TANC2: variants seen among roughly 807,000 people sequenced by gnomAD.
TANC2 encodes the protein protein TANC2.
In TANC2, 26 loss-of-function variants were observed where a neutral mutation model predicts 210.5. The ratio of observed to expected loss-of-function variants is 0.12; its 90% CI spans 0.09 to 0.17. TANC2 has a LOEUF of 0.17. Among genes scored for constraint, TANC2 ranks in the 10% least tolerant of loss-of-function variants. The pLI, the probability that TANC2 is intolerant of heterozygous loss-of-function variation, is 1.00. For synonymous variants in TANC2, 931 were observed against 967.1 expected (o/e 0.96, Z 0.69); for missense variants, 2,129 against 2,608.9 (o/e 0.82, Z 4.01).
At chr17:63,286,689 G>A (rs1322285375) in intron 9 of TANC2, among the ~76,000 whole-genome samples, 1 of 152,160 alleles carries the variant, frequency 6.6e-6, no homozygotes, top group African/African-American at 2.4e-5. Context: ...TTCTTTAAAT[G>A]TATCTTCTTT....
intron 1 of TANC2, among the ~76,000 whole-genome samples, chr17:62,974,675 A>G (rs1466621803): frequency 1.3e-5 from 2 of 152,116 alleles, no homozygotes; most frequent in Non-Finnish European, 2.9e-5. Context: ...TGTCTTACAT[A>G]TTTTTTCTAC....
At chr17:63,307,819 G>T (rs2146537426) in intron 9 of TANC2, among the ~76,000 whole-genome samples, 1 of 152,304 alleles carries the variant, frequency 6.6e-6, no homozygotes, top group East Asian at 1.9e-4. Context: ...AGGCAGGAGT[G>T]CAGTGGCGCG....
At chr17:63,194,034 G>A in exon 6 of TANC2, 1 of 1,613,244 alleles carries the variant, frequency 6.2e-7, no homozygotes, top group Non-Finnish European at 8.5e-7. Flanking sequence ...CTGTAGATGA[G>A]GCAGCAAACA....
chr17:63,103,447 A>G (rs566293622), intron 4 of TANC2, among the ~76,000 whole-genome samples: 2 of 152,324 alleles, frequency 1.3e-5, no homozygotes, highest in East Asian at 3.9e-4. Context: ...GTACAAAAAT[A>G]AGTTAATGTA....
intron 19 of TANC2, among the ~76,000 whole-genome samples, chr17:63,404,766 T>G (rs1380937524): frequency 6.6e-6 from 1 of 152,070 alleles, no homozygotes; most frequent in Non-Finnish European, 1.5e-5. Context: ...TGTCTTTAGA[T>G]TCCACCCACA....
At chr17:63,033,626 C>T (rs1243828803) in intron 2 of TANC2, among the ~76,000 whole-genome samples, 2 of 152,088 alleles carry the variant, frequency 1.3e-5, no homozygotes, top group African/African-American at 2.4e-5. Context: ...TATAACTAAA[C>T]TTACATTCAA....
chr17:63,166,322 AG>A (rs2040208887), intron 5 of TANC2, among the ~76,000 whole-genome samples: 1 of 152,148 alleles, frequency 6.6e-6, no homozygotes, highest in Non-Finnish European at 1.5e-5. Context: ...AGAGAGAGAG[AG>A]AGAGAGATAG....
chr17:63,181,601 A>T (rs2040786780), intron 5 of TANC2, among the ~76,000 whole-genome samples: 1 of 152,214 alleles, frequency 6.6e-6, no homozygotes, highest in African/African-American at 2.4e-5. Flanking sequence ...CCTACTTGTC[A>T]ATTCCAGGAA....
At chr17:63,354,165 G>A (rs1598925396) in intron 13 of TANC2, among the ~76,000 whole-genome samples, 1 of 152,076 alleles carries the variant, frequency 6.6e-6, no homozygotes, top group East Asian at 1.9e-4. Context: ...CATAGGAGTA[G>A]CCACAAAGCC....
At chr17:63,268,089 C>G (rs1389691594) in intron 9 of TANC2, among the ~76,000 whole-genome samples, 2 of 152,138 alleles carry the variant, frequency 1.3e-5, no homozygotes, top group Admixed American at 6.6e-5. Flanking sequence ...GTGTAATTAT[C>G]AACATTTGGA....
At chr17:63,216,423 A>G (rs968229640) in intron 7 of TANC2, among the ~76,000 whole-genome samples, 3 of 152,130 alleles carry the variant, frequency 2.0e-5, no homozygotes, top group Admixed American at 2.0e-4. Flanking sequence ...CTTTATAATA[A>G]AACAGTAATA....
intron 1 of TANC2, among the ~76,000 whole-genome samples, chr17:62,994,886 C>T (rs1289662770): frequency 6.6e-6 from 1 of 152,158 alleles, no homozygotes; most frequent in African/African-American, 2.4e-5. Flanking sequence ...ATATTCTTCT[C>T]TTTGACATTT....
At chr17:63,411,479 C>T (rs1031085855) in intron 21 of TANC2, 32 bp from the exon 22 acceptor site, 6 of 1,586,882 alleles carry the variant, frequency 3.8e-6, no homozygotes, top group South Asian at 2.4e-5. Context: ...TTCCATGTCT[C>T]CTCAGCCCTG....
At chr17:63,074,478 T>G (rs980345060) in intron 3 of TANC2, among the ~76,000 whole-genome samples, 6 of 152,148 alleles carry the variant, frequency 3.9e-5, no homozygotes, top group Admixed American at 1.3e-4. Context: ...CATAGGCCTT[T>G]GATTAATTTT....
At chr17:63,055,965 CAAAAAAAAA>C (rs869063496) in intron 2 of TANC2, among the ~76,000 whole-genome samples, 143 of 52,538 alleles carry the variant, frequency 2.7e-3, no homozygotes, top group African/African-American at 9.1e-3. Context: ...TCATCTCTAC[CAAAAAAAAA>C]AAAAAAAAAA....
chr17:63,290,380 AC>A (rs1460341485), intron 9 of TANC2, among the ~76,000 whole-genome samples: 3 of 152,102 alleles, frequency 2.0e-5, no homozygotes, highest in Non-Finnish European at 2.9e-5. Flanking sequence ...TGACTCCCTG[AC>A]TGTACTCAGT....
chr17:63,204,860 G>A (rs958393159), intron 7 of TANC2, among the ~76,000 whole-genome samples: 3 of 152,088 alleles, frequency 2.0e-5, no homozygotes, highest in African/African-American at 4.8e-5. Context: ...CAAGGCAGAC[G>A]GATCAGTTGA....
intron 2 of TANC2, among the ~76,000 whole-genome samples, chr17:63,056,174 TA>T (rs79110107): frequency 0.18 from 21,253 of 118,804 alleles, 2,202 homozygotes; most frequent in Non-Finnish European, 0.25. Flanking sequence ...GACTCTGTGT[TA>T]AAAAAAAAAA....
intron 10 of TANC2, among the ~76,000 whole-genome samples, chr17:63,315,687 G>T (rs188976391): frequency 1.9e-3 from 282 of 152,288 alleles, no homozygotes; most frequent in African/African-American, 6.5e-3. Flanking sequence ...TGAGATAATA[G>T]TAGTTACAGG....
Sources: gnomAD v4.1 joint callset for allele counts (sites outside exome capture counted in the v4.1 genomes callset) on GRCh38, gnomAD v4.1.1 for gene constraint, MANE v1.5 for transcripts, NCBI Gene and HGNC (gene_info 2026-07-23, HGNC 2026-07-21) for gene names.